Variants in TRPM7 observed in about 807,000 individuals in gnomAD.
TRPM7 encodes the protein LTRPC ion channel family member 7.
Under a neutral mutation model 229.7 loss-of-function variants are expected in TRPM7, and 134 were observed. The ratio of observed to expected loss-of-function variants is 0.58; its 90% CI spans 0.51 to 0.67. TRPM7 has a LOEUF of 0.67. Among genes scored for constraint, TRPM7 ranks in the 30% least tolerant of loss-of-function variants. The pLI is 0.00. For synonymous variants in TRPM7, 699 were observed against 715.2 expected (o/e 0.98, Z 0.36); for missense variants, 1,901 against 2,210.0 (o/e 0.86, Z 2.80).
At chr15:50,605,242 G>C in intron 20 of TRPM7, 98 bp from the exon 21 acceptor site, 1 of 1,042,108 alleles carries the variant, frequency 9.6e-7, no homozygotes, top group South Asian at 1.8e-5. Context: ...ATTTCACATA[G>C]CTTTTATTTA....
intron 38 of TRPM7, among the ~76,000 whole-genome samples, chr15:50,563,808 T>C (rs1244449412): frequency 6.6e-6 from 1 of 152,216 alleles, no homozygotes; most frequent in Non-Finnish European, 1.5e-5. Flanking sequence ...TTTTGCATTT[T>C]TTTAAGCTCA....
intron 28 of TRPM7, among the ~76,000 whole-genome samples, chr15:50,583,483 G>A (rs1432080893): frequency 1.3e-5 from 2 of 151,904 alleles, no homozygotes; most frequent in African/African-American, 4.8e-5. Context: ...ATATTTGTAT[G>A]TGTATACACA....
chr15:50,604,812 A>AT (rs768272448), intron 21 of TRPM7, 54 bp downstream of exon 21: 27 of 1,484,930 alleles, frequency 1.8e-5, no homozygotes, highest in Middle Eastern at 3.6e-4. Flanking sequence ...CATTTTTGTG[A>AT]TTTTTTAAAA....
At chr15:50,567,632 G>A (rs939143599) in intron 38 of TRPM7, among the ~76,000 whole-genome samples, 5 of 151,754 alleles carry the variant, frequency 3.3e-5, no homozygotes, top group African/African-American at 1.2e-4. Flanking sequence ...AACAAAGTGT[G>A]GTTTGTCCTA....
chr15:50,657,214 C>T (rs1251847828), intron 3 of TRPM7, among the ~76,000 whole-genome samples: 1 of 152,104 alleles, frequency 6.6e-6, no homozygotes, highest in Non-Finnish European at 1.5e-5. Context: ...ATCCCAGCTA[C>T]TCGGGAGGCT....
intron 5 of TRPM7, among the ~76,000 whole-genome samples, 185 bp from the exon 6 acceptor site, chr15:50,639,733 A>ATT (rs553888440): frequency 0.017 from 2,361 of 140,158 alleles, 28 homozygotes; most frequent in Non-Finnish European, 0.026. Context: ...CAGCCGGCTA[A>ATT]TTTTTTTTTT....
intron 38 of TRPM7, among the ~76,000 whole-genome samples, chr15:50,563,299 G>C (rs1007204780): frequency 6.6e-6 from 1 of 152,178 alleles, no homozygotes; most frequent in Non-Finnish European, 1.5e-5. Flanking sequence ...GAAGTTTGCT[G>C]ATCTTCATTT....
chr15:50,649,567 C>G (rs1393221042), intron 3 of TRPM7, among the ~76,000 whole-genome samples: 1 of 152,044 alleles, frequency 6.6e-6, no homozygotes, highest in Admixed American at 6.5e-5. Context: ...AACCTAGACA[C>G]CAATGATTAT....
chr15:50,631,374 A>C, intron 10 of TRPM7, 43 bp downstream of exon 10: 1 of 1,288,336 alleles, frequency 7.8e-7, no homozygotes, highest in Non-Finnish European at 1.1e-6. Context: ...ATACATACAT[A>C]AAATAAAAGG....
At chr15:50,659,932 TG>T (rs1277717944) in intron 2 of TRPM7, among the ~76,000 whole-genome samples, 1 of 152,206 alleles carries the variant, frequency 6.6e-6, no homozygotes, top group Non-Finnish European at 1.5e-5. Flanking sequence ...CCCAAAGTGC[TG>T]GGATTACAGG....
chr15:50,624,197 G>A lies in TRPM7; in HGVS notation c.1409C>T (p.Thr470Ile). Residue 470 changes from threonine (T) to isoleucine (I), a missense_variant, in exon 12 of 39, where the codon ACC becomes ATC. Thr to Ile is a moderately conservative substitution (Grantham distance 89). Transcript: ENST00000646667. ...ENGVSMHKFL[T>I]IPRLEELYNT... ...GTAAAGTTCTTCCAGTCTCGGAATG[G>A]TAAGGAATTTATGCATGCTTACTCC... The A allele has an allele frequency of 6.2e-7, 1 of 1,611,484 alleles. No individual in the cohort carries two copies. The highest frequency in any genetic ancestry group is 8.5e-7 in the Non-Finnish European group (1 of 1,178,984).
intron 3 of TRPM7, among the ~76,000 whole-genome samples, chr15:50,655,441 AAAAAAACAAAAAAAC>A (rs2061535679): frequency 6.7e-6 from 1 of 149,074 alleles, no homozygotes; most frequent in Admixed American, 6.9e-5. Flanking sequence ...TCAAAGGAAA[AAAAAAACAAAAAAAC>A]AAAAAACCTT....
Position 50,612,785 on chromosome 15 carries a change from A to G in TRPM7, c.1815T>C (p.Asp605=), listed in dbSNP as rs1285122568. Residue 605 remains aspartate (D), a synonymous_variant, in exon 16 of 39, where the codon GAT becomes GAC. Coordinates refer to ENST00000646667, the MANE Select transcript of TRPM7 (RefSeq NM_017672.6). ...CTGGATCATCAATGTCTACAATTTC[A>G]TCTTTGGTTCTTTTCTTCTTTCCTT... ...MEEGKKKRTK[D]EIVDIDDPET... The G allele has an allele frequency of 1.2e-6, 2 of 1,613,928 alleles. No homozygotes were observed. The highest frequency in any genetic ancestry group is 1.7e-6 in the Non-Finnish European group (2 of 1,179,968).
At chr15:50,674,857 C>T (rs746377911) in intron 1 of TRPM7, among the ~76,000 whole-genome samples, 13 of 152,134 alleles carry the variant, frequency 8.5e-5, no homozygotes, top group South Asian at 4.2e-4. Flanking sequence ...ATATATCATC[C>T]CCTCTACTAC....
At position 50,574,686 on chromosome 15, in the gene TRPM7, T is replaced by C. The variant is rs1171054283; in HGVS notation, c.5053A>G (p.Thr1685Ala). Residue 1685 changes from threonine to alanine, a missense_variant, in exon 35 of 39, where the codon ACG becomes GCG. By Grantham distance (58) the Thr-to-Ala change is moderately conservative. Transcript: ENST00000646667. ...GGTTTCATTTGATTAAAGGCAAACG[T>C]AAGCTTTTGTGCTGCTCTCTGTTGT... ...IQQQRAAQKL[T>A]FAFNQMKPKS... The C allele has an allele frequency of 6.2e-7, 1 of 1,613,946 alleles. No homozygotes were observed. Among genetic ancestry groups the C allele is most frequent in the East Asian group, 2.2e-5 (1 of 44,842 alleles).
At chr15:50,681,492 C>A (rs975304795) in intron 1 of TRPM7, among the ~76,000 whole-genome samples, 12 of 152,160 alleles carry the variant, frequency 7.9e-5, no homozygotes, top group Non-Finnish European at 1.8e-4. Context: ...TATGTTTCTC[C>A]AGTGTCCTCC....
At chr15:50,615,865 T>C (rs541871943) in intron 13 of TRPM7, among the ~76,000 whole-genome samples, 110 of 152,270 alleles carry the variant, frequency 7.2e-4, no homozygotes, top group African/African-American at 2.6e-3. Flanking sequence ...CATTGCACTC[T>C]AGCATGGGCA....
At chr15:50,640,561 T>C (rs1466132582) in intron 5 of TRPM7, among the ~76,000 whole-genome samples, 1 of 151,830 alleles carries the variant, frequency 6.6e-6, no homozygotes, top group African/African-American at 2.4e-5. Context: ...GCTGGGATTA[T>C]AGGCATGAAC....
chr15:50,593,933 T>C (rs1198656753), intron 24 of TRPM7, among the ~76,000 whole-genome samples, 184 bp from the exon 25 acceptor site: 2 of 152,226 alleles, frequency 1.3e-5, no homozygotes, highest in Non-Finnish European at 2.9e-5. Context: ...ACCAGTGTGA[T>C]GTCAGCAGAA....
Sources: allele counts gnomAD v4.1 joint callset (sites outside exome capture counted in the v4.1 genomes callset), GRCh38; gene constraint gnomAD v4.1.1; transcripts MANE v1.5; gene names NCBI Gene and HGNC (gene_info 2026-07-23, HGNC 2026-07-21).